The following SULT2B1 variants were observed in gnomAD, a reference collection of about 807,000 sequenced individuals.
SULT2B1 encodes the protein sulfotransferase 2B1.
A neutral mutation model predicts 33.2 loss-of-function variants in SULT2B1; 16 were observed. That is an observed-to-expected ratio of 0.48 (90% CI 0.33 to 0.73). The LOEUF (loss-of-function observed/expected upper bound fraction) is 0.73, where lower values mean the gene tolerates loss of function less well. Among genes scored for constraint, SULT2B1 ranks in the 30% least tolerant of loss-of-function variants. The pLI, the probability that SULT2B1 is intolerant of heterozygous loss-of-function variation, is 0.02. For missense variants in SULT2B1, 500 were observed against 506.0 expected (o/e 0.99, Z 0.11); for synonymous variants, 186 against 200.5 (o/e 0.93, Z 0.61).
intron 1 of SULT2B1, among the ~76,000 whole-genome samples, chr19:48,569,323 C>T (rs1222089334): frequency 2.2e-5 from 3 of 137,100 alleles, no homozygotes; most frequent in Non-Finnish European, 4.6e-5. Context: ...GCCTGGGCGA[C>T]AGAGAGAGAC....
At chr19:48,593,558 TAGAA>T (rs1261046754) in intron 5 of SULT2B1, among the ~76,000 whole-genome samples, 2 of 151,864 alleles carry the variant, frequency 1.3e-5, no homozygotes, top group African/African-American at 2.4e-5. Context: ...TTCCAAAAAA[TAGAA>T]AGAAAAAAGA....
At chr19:48,576,650 T>C (rs915886243) in intron 2 of SULT2B1, among the ~76,000 whole-genome samples, 4 of 147,792 alleles carry the variant, frequency 2.7e-5, no homozygotes, top group African/African-American at 1.0e-4. Context: ...CTTTTTTTTT[T>C]TTTTTTTTTT....
chr19:48,585,332 C>A (rs1023094985), intron 2 of SULT2B1, among the ~76,000 whole-genome samples: 12 of 152,078 alleles, frequency 7.9e-5, no homozygotes, highest in African/African-American at 2.9e-4. Context: ...GATGAGGTCC[C>A]TTTCCACTAG....
chr19:48,561,525 G>C (rs879409322), intron 1 of SULT2B1, among the ~76,000 whole-genome samples: 1 of 147,896 alleles, frequency 6.8e-6, no homozygotes, highest in Non-Finnish European at 1.5e-5. Flanking sequence ...GAGAGAGGAG[G>C]TGTTTGAGAG....
At chr19:48,570,479 A>G (rs898922938) in intron 1 of SULT2B1, among the ~76,000 whole-genome samples, 4 of 151,778 alleles carry the variant, frequency 2.6e-5, no homozygotes, top group Non-Finnish European at 4.4e-5. Flanking sequence ...GAGCCCGGCC[A>G]GTTCTTTTTC....
At chr19:48,571,112 C>T (rs1973320532) in intron 1 of SULT2B1, among the ~76,000 whole-genome samples, 1 of 152,070 alleles carries the variant, frequency 6.6e-6, no homozygotes, top group Admixed American at 6.6e-5. Flanking sequence ...GCCTTGAACT[C>T]TGGGCTCAAG....
At chr19:48,581,887 ATTATATTAT>A (rs758035033) in intron 2 of SULT2B1, among the ~76,000 whole-genome samples, 2,976 of 104,468 alleles carry the variant, frequency 0.028, 24 homozygotes, top group African/African-American at 0.04. Context: ...TATTATTATT[ATTATATTAT>A]TATTATTATT....
At chr19:48,584,939 C>G (rs1973542736) in intron 2 of SULT2B1, among the ~76,000 whole-genome samples, 1 of 149,616 alleles carries the variant, frequency 6.7e-6, no homozygotes, top group Non-Finnish European at 1.5e-5. Context: ...GTCCCAGCTA[C>G]TTGGGAGGCT....
chr19:48,575,792 G>T (rs893606480), intron 1 of SULT2B1, 149 bp from the exon 2 acceptor site: 168 of 1,407,008 alleles, frequency 1.2e-4, no homozygotes, highest in Non-Finnish European at 1.6e-4. Context: ...GCTTTATAAA[G>T]TTTATAGGGA....
chr19:48,571,858 G>A (rs1171415817), intron 1 of SULT2B1, among the ~76,000 whole-genome samples: 11 of 152,028 alleles, frequency 7.2e-5, no homozygotes, highest in Non-Finnish European at 1.5e-4. Context: ...GGTGACATTT[G>A]GAACAAAGAC....
At chr19:48,574,154 G>A (rs1458719412) in intron 1 of SULT2B1, among the ~76,000 whole-genome samples, 1 of 152,192 alleles carries the variant, frequency 6.6e-6, no homozygotes, top group Non-Finnish European at 1.5e-5. Flanking sequence ...AAGCCACTGC[G>A]CCCAGCCCTT....
In SULT2B1 at chr19:48,552,236, A is replaced by G. The variant is rs761121343; in HGVS notation, c.-17A>G. On this transcript the variant is annotated 5_prime_UTR_variant, in exon 1 of 7. Coordinates refer to ENST00000201586, the MANE Select transcript of SULT2B1 (RefSeq NM_177973.2). The surrounding 1 kb of genome is among the most constrained non-coding windows in gnomAD (Gnocchi z 4.8). Reference sequence around the variant, plus strand: ...GCTCCCTGCTCGTCCTCCCCTCCCCACCCTCACCCACCTGCCATGGACGGG... The same window carrying G: ...GCTCCCTGCTCGTCCTCCCCTCCCCGCCCTCACCCACCTGCCATGGACGGG... 6.2e-7 allele frequency: 1 copy of G among 1,606,108 alleles called. No individual in the cohort carries two copies. Among genetic ancestry groups the G allele is most frequent in the Non-Finnish European group, 8.5e-7 (1 of 1,176,814 alleles).
At chr19:48,570,186 T>C (rs1973301444) in intron 1 of SULT2B1, among the ~76,000 whole-genome samples, 1 of 151,650 alleles carries the variant, frequency 6.6e-6, no homozygotes, top group African/African-American at 2.4e-5. Flanking sequence ...GTTCTTTTTT[T>C]TTTTTTTTCT....
chr19:48,596,567 C>T lies in SULT2B1; in HGVS notation c.646-172C>T, dbSNP rs75866527. The T allele has an allele frequency of 3.5e-4, 240 of 680,576 alleles. No homozygotes were observed. In the African/African-American group the frequency reaches 4.0e-3, roughly 11 times the overall value. 42.2% of individuals were successfully genotyped at this position (680,576 alleles called of 1,614,324 possible). A position where few individuals can be genotyped will look rare whatever the true frequency, so the allele number is the denominator to read the frequency against. On this transcript the variant is annotated intron_variant, in intron 5 of 6. Transcript: ENST00000201586. ...CTCCAAAGACAGAAACTGCAAAAAC[C>T]CTTAGAGGCGATATAGCCCAACCCC...
intron 1 of SULT2B1, among the ~76,000 whole-genome samples, chr19:48,569,216 C>T (rs1033390465): frequency 1.3e-5 from 2 of 151,386 alleles, no homozygotes; most frequent in African/African-American, 4.8e-5. Flanking sequence ...GTGGCGGGCG[C>T]CTGTAGTCCC....
intron 1 of SULT2B1, among the ~76,000 whole-genome samples, chr19:48,563,604 C>T (rs1973206346): frequency 6.6e-6 from 1 of 152,038 alleles, no homozygotes; most frequent in Non-Finnish European, 1.5e-5. Context: ...TGGGCTGATG[C>T]AATCTGTACG....
chr19:48,594,490 C>G (rs111907926), intron 5 of SULT2B1, among the ~76,000 whole-genome samples: 1 of 152,172 alleles, frequency 6.6e-6, no homozygotes, highest in Non-Finnish European at 1.5e-5. Context: ...ACTCCTCCCC[C>G]TCTTTTCCAG....
At chr19:48,589,011 C>T (rs1248682845) in intron 3 of SULT2B1, among the ~76,000 whole-genome samples, 2 of 152,186 alleles carry the variant, frequency 1.3e-5, no homozygotes, top group African/African-American at 4.8e-5. Context: ...CGAGGCAGCG[C>T]GGCAGGGATC....
intron 2 of SULT2B1, among the ~76,000 whole-genome samples, chr19:48,581,029 C>CT (rs57093444): frequency 0.39 from 25,041 of 64,672 alleles, 6,018 homozygotes; most frequent in South Asian, 0.55. Flanking sequence ...ATATATATTC[C>CT]TTTTTTTTTT....
Sources: gnomAD v4.1 joint callset for allele counts (sites outside exome capture counted in the v4.1 genomes callset) on GRCh38, gnomAD v4.1.1 for gene constraint, Gnocchi (gnomAD v3.1) non-coding constraint, MANE v1.5 for transcripts, NCBI Gene and HGNC (gene_info 2026-07-23, HGNC 2026-07-21) for gene names.